OTOF: variants seen among roughly 807,000 people sequenced by gnomAD.
OTOF encodes otoferlin, also known as fer-1-like family member 2.
Under a neutral mutation model 236.8 loss-of-function variants are expected in OTOF, and 218 were observed. The ratio of observed to expected loss-of-function variants is 0.92; its 90% CI spans 0.82 to 1.03. The LOEUF is 1.03. Among genes scored for constraint, OTOF ranks in the 50% least tolerant of loss-of-function variants. The pLI is 0.00. For missense variants in OTOF, 2,590 were observed against 2,694.4 expected (o/e 0.96, Z 0.86); for synonymous variants, 1,041 against 1,072.5 (o/e 0.97, Z 0.57).
At chr2:26,490,795 T>C (rs1665821665) in intron 9 of OTOF, among the ~76,000 whole-genome samples, 1 of 152,062 alleles carries the variant, frequency 6.6e-6, no homozygotes, top group Admixed American at 6.5e-5. Context: ...GCCATTCACT[T>C]GGGGGGCTTC....
At chr2:26,536,722 A>G (rs1667079923) in intron 2 of OTOF, among the ~76,000 whole-genome samples, 1 of 152,096 alleles carries the variant, frequency 6.6e-6, no homozygotes, top group South Asian at 2.1e-4. Flanking sequence ...GGGAGAGCCA[A>G]CCCCAGGAGA....
chr2:26,502,971 T>A (rs1487205319), intron 6 of OTOF, among the ~76,000 whole-genome samples: 1 of 152,218 alleles, frequency 6.6e-6, no homozygotes, highest in Non-Finnish European at 1.5e-5. Flanking sequence ...TGCAGACATG[T>A]GGATTCCGAA....
chr2:26,486,022 G>A (rs1482606016), intron 11 of OTOF, among the ~76,000 whole-genome samples: 1 of 152,218 alleles, frequency 6.6e-6, no homozygotes, highest in African/African-American at 2.4e-5. Context: ...CTCAATGAAT[G>A]GGTGCATAAA....
In OTOF at chr2:26,462,174, G is replaced by C. The variant is rs2148021116; in HGVS notation, c.5200C>G (p.Leu1734Val). 4 of 1,613,870 alleles carry C rather than the reference G, an allele frequency of 2.5e-6. No homozygotes were observed. The highest frequency in any genetic ancestry group is 3.4e-6 in the Non-Finnish European group (4 of 1,179,878). Residue 1734 changes from leucine (L) to valine (V), a missense_variant, in exon 42 of 47, where the codon CTG becomes GTG. This residue lies in a region of OTOF where 1,211 missense variants were observed against 1,352.8 expected (regional missense o/e 0.90). Transcript: ENST00000272371. This position sits in a 1 kb window ranked among gnomAD's most constrained non-coding sequence, Gnocchi z 4.7. ...ISPRKPKKYELRVIIWNTDEV... is the reference protein window; with the variant it reads ...ISPRKPKKYEVRVIIWNTDEV... Reference sequence around the variant, plus strand: ...TCTGTGTTCCAGATGATGACCCGCAGCTCGTACCTGGGCCCAGGGAGAGAA... The same window carrying C: ...TCTGTGTTCCAGATGATGACCCGCACCTCGTACCTGGGCCCAGGGAGAGAA...
At chr2:26,539,948 T>C (rs1667170942) in intron 1 of OTOF, among the ~76,000 whole-genome samples, 1 of 152,198 alleles carries the variant, frequency 6.6e-6, no homozygotes, top group South Asian at 2.1e-4. Flanking sequence ...TTTTTGTTTG[T>C]CTTGAGACAG....
At chr2:26,540,682 C>T (rs1036739807) in intron 1 of OTOF, among the ~76,000 whole-genome samples, 5 of 151,406 alleles carry the variant, frequency 3.3e-5, no homozygotes, top group African/African-American at 1.2e-4. Flanking sequence ...GTCAGATCCA[C>T]TGAAACAGAG....
intron 1 of OTOF, among the ~76,000 whole-genome samples, chr2:26,551,652 G>T (rs1378767290): frequency 6.6e-5 from 10 of 152,224 alleles, no homozygotes; most frequent in Admixed American, 1.3e-4. Context: ...CCATCCCCCA[G>T]TGCGTGGCAC....
At chr2:26,542,986 C>T (rs1667243981) in intron 1 of OTOF, among the ~76,000 whole-genome samples, 1 of 152,186 alleles carries the variant, frequency 6.6e-6, no homozygotes, top group African/African-American at 2.4e-5. Context: ...AGACCTGGGG[C>T]TGCTATTTCC....
chr2:26,540,097 C>A (rs1359802258), intron 1 of OTOF, among the ~76,000 whole-genome samples: 1 of 152,176 alleles, frequency 6.6e-6, no homozygotes, highest in Non-Finnish European at 1.5e-5. Context: ...CTGTGCCTAG[C>A]TAATTTTTTT....
chr2:26,539,053 C>A (rs1479415202), intron 1 of OTOF, among the ~76,000 whole-genome samples: 1 of 152,032 alleles, frequency 6.6e-6, no homozygotes, highest in Admixed American at 6.5e-5. Flanking sequence ...CCTCAAATGA[C>A]CCGCCCACCT....
chr2:26,466,477 C>T (rs1558471956), intron 36 of OTOF, among the ~76,000 whole-genome samples: 1 of 152,196 alleles, frequency 6.6e-6, no homozygotes, highest in Non-Finnish European at 1.5e-5. Flanking sequence ...GCTGGGATTA[C>T]AGGTGCGTGG....
intron 12 of OTOF, 41 bp downstream of exon 12, chr2:26,484,433 G>GGCTGGCTC: frequency 6.2e-7 from 1 of 1,611,382 alleles, no homozygotes; most frequent in Non-Finnish European, 8.5e-7. Flanking sequence ...GGGAAGGAAG[G>GGCTGGCTC]GCTGGCTCAG....
At position 26,489,337 on chromosome 2, in the gene OTOF, G is replaced by C. The variant is rs780367205; in HGVS notation, c.961-42C>G. On this transcript the variant is annotated intron_variant, in intron 10 of 46. Coordinates refer to ENST00000272371, the MANE Select transcript of OTOF (RefSeq NM_194248.3). ...CAGCCCACCCGTCAGGCCCAGCAAG[G>C]GTGAGGCTTTCCATGGGGCAGTGGT... is the stretch of plus-strand genomic sequence containing the variant. 8.7e-6 allele frequency: 13 copies of C among 1,501,948 alleles called. No individual in the cohort carries two copies. In the South Asian group the frequency reaches 1.5e-4, roughly 17 times the overall value. 93.0% of individuals were successfully genotyped at this position (1,501,948 alleles called of 1,614,324 possible).
At chr2:26,504,651 G>A (rs972372984) in intron 5 of OTOF, among the ~76,000 whole-genome samples, 2 of 152,132 alleles carry the variant, frequency 1.3e-5, no homozygotes, top group South Asian at 2.1e-4. Context: ...TGCAGTCAGC[G>A]GGGCTGAGGA....
intron 3 of OTOF, among the ~76,000 whole-genome samples, chr2:26,526,305 G>A (rs547053801): frequency 6.6e-6 from 1 of 151,844 alleles, no homozygotes; most frequent in Non-Finnish European, 1.5e-5. Flanking sequence ...ATGAATGAAA[G>A]GATGGACGGA....
Position 26,466,732 on chromosome 2 carries a change from G to A in OTOF, c.4482C>T (p.Val1494=). Residue 1494 remains valine, a synonymous_variant, in exon 36 of 47, where the codon GTC becomes GTT. Coordinates refer to ENST00000272371, the MANE Select transcript of OTOF (RefSeq NM_194248.3). ...GTCTCACCCGGACCACATAGACTCG[G>A]ACCAGCACATTGATGGGGTCATTGC... ...IPSNDPINVL[V]RVYVVRATDL... is the part of the protein sequence containing the mutation. The A allele has an allele frequency of 6.2e-7, 1 of 1,614,216 alleles. No homozygotes were observed. The highest frequency in any genetic ancestry group is 1.1e-5 in the South Asian group (1 of 91,086).
intron 5 of OTOF, chr2:26,510,848 C>T: frequency 1.5e-6 from 1 of 654,538 alleles, no homozygotes; most frequent in South Asian, 1.6e-5. Flanking sequence ...CCTGCACGCT[C>T]CCCGGGGGCC....
At chr2:26,517,767 G>A (rs977572391) in intron 4 of OTOF, among the ~76,000 whole-genome samples, 2 of 152,204 alleles carry the variant, frequency 1.3e-5, no homozygotes, top group African/African-American at 4.8e-5. Context: ...GGGTAGCGGA[G>A]ATGGGTGGCA....
chr2:26,494,280 T>C (rs1665920852), intron 9 of OTOF, among the ~76,000 whole-genome samples: 1 of 152,198 alleles, frequency 6.6e-6, no homozygotes, highest in African/African-American at 2.4e-5. Context: ...CTGGAAAGAA[T>C]AGGAGTGGGT....
Sources: gnomAD v4.1 joint callset for allele counts (sites outside exome capture counted in the v4.1 genomes callset) on GRCh38, gnomAD v4.1.1 for gene constraint, gnomAD v4.1.1 regional missense constraint, Gnocchi (gnomAD v3.1) non-coding constraint, MANE v1.5 for transcripts, NCBI Gene and HGNC (gene_info 2026-07-23, HGNC 2026-07-21) for gene names.